AFF1: variants seen among roughly 807,000 people sequenced by gnomAD.
The protein encoded by AFF1 is AF4/FMR2 family member 1.
In AFF1, 48 loss-of-function variants were observed where a neutral mutation model predicts 121.7. That is an observed-to-expected ratio of 0.39 (90% CI 0.31 to 0.50). The LOEUF (loss-of-function observed/expected upper bound fraction) is 0.50. AFF1 is among the 20% of genes least tolerant of loss of function. The probability of loss-of-function intolerance (pLI) is 0.76; values close to 1 mark genes in which losing one functional copy is unlikely to be tolerated. For synonymous variants in AFF1, 613 were observed against 563.0 expected, an observed-to-expected ratio of 1.09 and a Z score of -1.26; for missense variants, 1,523 against 1,511.7, an observed-to-expected ratio of 1.01 and a Z score of -0.12.
intron 1 of AFF1, among the ~76,000 whole-genome samples, chr4:86,941,088 G>A (rs1480044251): frequency 2.6e-5 from 4 of 151,556 alleles, no homozygotes; most frequent in African/African-American, 9.7e-5. Flanking sequence ...AACGTGACTC[G>A]GTTTCAAAAC....
At chr4:87,064,754 C>T (rs985228133) in intron 4 of AFF1, among the ~76,000 whole-genome samples, 1 of 151,854 alleles carries the variant, frequency 6.6e-6, no homozygotes, top group Non-Finnish European at 1.5e-5. Context: ...TGGTGGGTGC[C>T]TGTAATCCTC....
intron 2 of AFF1, among the ~76,000 whole-genome samples, chr4:86,998,098 C>CAAAAAAAAAAAAAAAAAAAAAAAAAAAA (rs56741955): frequency 2.2e-5 from 2 of 91,746 alleles, no homozygotes; most frequent in Non-Finnish European, 4.2e-5. Flanking sequence ...AACTCCGTCT[C>CAAAAAAAAAAAAAAAAAAAAAAAAAAAA]AAAAAAAAAA....
At chr4:87,012,043 G>T (rs2149538407) in intron 2 of AFF1, among the ~76,000 whole-genome samples, 1 of 152,248 alleles carries the variant, frequency 6.6e-6, no homozygotes, top group Admixed American at 6.5e-5. Context: ...TATTATGGAT[G>T]AGAGAGAAAT....
intron 2 of AFF1, among the ~76,000 whole-genome samples, chr4:87,020,183 A>G (rs931976265): frequency 1.3e-5 from 2 of 152,196 alleles, no homozygotes; most frequent in African/African-American, 2.4e-5. Context: ...AGTTGCTTCA[A>G]AGATCTGCAT....
intron 7 of AFF1, among the ~76,000 whole-genome samples, chr4:87,093,471 C>CT (rs1724521962): frequency 6.6e-6 from 1 of 152,186 alleles, no homozygotes. Context: ...AACACTTGAT[C>CT]TTATGGTACT....
chr4:86,948,941 G>GT (rs1721064229), intron 2 of AFF1, among the ~76,000 whole-genome samples: 2 of 152,250 alleles, frequency 1.3e-5, no homozygotes, highest in East Asian at 3.9e-4. Context: ...CCTGAAAGCT[G>GT]TGAAGGAGGG....
chr4:87,051,931 T>G (rs766088566), intron 4 of AFF1, among the ~76,000 whole-genome samples: 16 of 151,750 alleles, frequency 1.1e-4, no homozygotes, highest in Non-Finnish European at 2.2e-4. Flanking sequence ...TTGATAAGAG[T>G]GCCGCAAGAA....
At chr4:87,080,138 G>A (rs1723027928) in intron 4 of AFF1, among the ~76,000 whole-genome samples, 1 of 152,168 alleles carries the variant, frequency 6.6e-6, no homozygotes, top group Admixed American at 6.5e-5. Context: ...CAGGAAGCCA[G>A]ATGTGTGAGA....
chr4:87,075,790 C>T (rs780551275), intron 4 of AFF1, among the ~76,000 whole-genome samples: 3 of 152,110 alleles, frequency 2.0e-5, no homozygotes, highest in Non-Finnish European at 4.4e-5. Flanking sequence ...GTGAAGTTGT[C>T]TGGAGTTTTA....
chr4:87,123,059 A>C (rs1727873996), intron 12 of AFF1, among the ~76,000 whole-genome samples: 1 of 151,928 alleles, frequency 6.6e-6, no homozygotes. Flanking sequence ...ACACTCGACT[A>C]ATTTTTATGT....
At chr4:86,991,193 C>T (rs1198097800) in intron 2 of AFF1, among the ~76,000 whole-genome samples, 1 of 152,054 alleles carries the variant, frequency 6.6e-6, no homozygotes, top group Middle Eastern at 3.2e-3. Flanking sequence ...GCCTGTAATC[C>T]CAACACTTTG....
At chr4:87,022,821 G>T (rs1312157582) in intron 2 of AFF1, among the ~76,000 whole-genome samples, 1 of 150,638 alleles carries the variant, frequency 6.6e-6, no homozygotes, top group African/African-American at 2.4e-5. Context: ...ACACACACAC[G>T]AATGTTAGCA....
Position 86,999,211 on chromosome 4 carries a change from T to C in AFF1, c.39-46955T>C, listed in dbSNP as rs183120573. On this transcript the variant is annotated intron_variant, in intron 2 of 20. Transcript: ENST00000395146. The stretch of plus-strand genomic sequence containing the variant: ...CAGTTAAAAAACACACGGTAAAATA[T>C]GGAATGTTTTAGTTTTGTGTTAGCC... Among the ~76,000 whole-genome samples, 63 of 152,344 alleles carry C rather than the reference T, an allele frequency of 4.1e-4. No individual in the cohort carries two copies. In the Middle Eastern group the frequency reaches 0.01, roughly 25 times the overall value.
At chr4:87,067,554 T>C (rs1304660614) in intron 4 of AFF1, among the ~76,000 whole-genome samples, 1 of 152,208 alleles carries the variant, frequency 6.6e-6, no homozygotes, top group Non-Finnish European at 1.5e-5. Context: ...AATTCATGCA[T>C]GTTCTGGAAT....
At chr4:87,046,659 G>A (rs766625005) in intron 3 of AFF1, 36 bp from the exon 4 acceptor site, 2 of 1,567,650 alleles carry the variant, frequency 1.3e-6, no homozygotes, top group Admixed American at 1.9e-5. Context: ...GTTTTCCTTA[G>A]TTTTTTTTCA....
chr4:87,079,724 A>T (rs1722991449), intron 4 of AFF1, among the ~76,000 whole-genome samples: 1 of 152,190 alleles, frequency 6.6e-6, no homozygotes, highest in Non-Finnish European at 1.5e-5. Flanking sequence ...TTTTATTTTT[A>T]AAATTATTTT....
At chr4:86,997,294 CTA>C (rs1725291809) in intron 2 of AFF1, among the ~76,000 whole-genome samples, 1 of 152,182 alleles carries the variant, frequency 6.6e-6, no homozygotes, top group Non-Finnish European at 1.5e-5. Flanking sequence ...CTTTGGGACT[CTA>C]GAGTCCCCAC....
chr4:87,048,071 C>T, intron 4 of AFF1: 1 of 163,140 alleles, frequency 6.1e-6, no homozygotes, highest in Admixed American at 5.8e-5. Flanking sequence ...TTTTCCTGGG[C>T]TCTAAACCGT....
chr4:86,962,257 G>A (rs1722208128), intron 2 of AFF1, among the ~76,000 whole-genome samples: 1 of 150,378 alleles, frequency 6.6e-6, no homozygotes, highest in Admixed American at 6.7e-5. Context: ...ATTTTCACCT[G>A]GAGAGGCAGC....
Sources: gnomAD v4.1 joint callset for allele counts (sites outside exome capture counted in the v4.1 genomes callset) on GRCh38, gnomAD v4.1.1 for gene constraint, MANE v1.5 for transcripts, NCBI Gene and HGNC (gene_info 2026-07-23, HGNC 2026-07-21) for gene names.